The following ZBTB38 variants were observed in gnomAD, a reference collection of about 807,000 sequenced individuals.
The protein encoded by ZBTB38 is zinc finger and BTB domain-containing protein 38.
A neutral mutation model predicts 76.8 loss-of-function variants in ZBTB38; 20 were observed. The observed-to-expected ratio is 0.26, with a 90% CI of 0.18 to 0.38. The LOEUF is 0.38. ZBTB38 is among the 10% of genes least tolerant of loss of function. The pLI is 1.00. For synonymous variants in ZBTB38, 504 were observed against 544.2 expected, an observed-to-expected ratio of 0.93 and a Z score of 1.03; for missense variants, 1,082 against 1,482.3, an observed-to-expected ratio of 0.73 and a Z score of 4.43.
chr3:141,393,804 A>C (rs1425300424), intron 4 of ZBTB38, among the ~76,000 whole-genome samples: 1 of 152,162 alleles, frequency 6.6e-6, no homozygotes, highest in African/African-American at 2.4e-5. Flanking sequence ...AAGGCTCAGG[A>C]GAGACCTTAA....
chr3:141,380,254 A>G (rs1039099193), intron 2 of ZBTB38, among the ~76,000 whole-genome samples: 2 of 152,190 alleles, frequency 1.3e-5, no homozygotes, highest in Non-Finnish European at 2.9e-5. Flanking sequence ...TCTGCCACTG[A>G]GGGCCTGAGG....
intron 5 of ZBTB38, among the ~76,000 whole-genome samples, chr3:141,411,066 G>A (rs1239278622): frequency 6.6e-6 from 1 of 152,108 alleles, no homozygotes; most frequent in Non-Finnish European, 1.5e-5. Context: ...TTTTATTTAT[G>A]TTATTTTTCC....
chr3:141,333,993 T>C (rs908343225), intron 1 of ZBTB38, among the ~76,000 whole-genome samples: 2 of 152,056 alleles, frequency 1.3e-5, no homozygotes, highest in African/African-American at 2.4e-5. Context: ...AAAGGTAGTG[T>C]CTAAAGTCAG....
At chr3:141,411,555 A>T (rs2149851473) in intron 5 of ZBTB38, among the ~76,000 whole-genome samples, 1 of 152,298 alleles carries the variant, frequency 6.6e-6, no homozygotes, top group Non-Finnish European at 1.5e-5. Flanking sequence ...CTTTAATGGG[A>T]GGGGACAGAA....
At chr3:141,351,806 A>C (rs1013070682) in intron 1 of ZBTB38, among the ~76,000 whole-genome samples, 1 of 151,728 alleles carries the variant, frequency 6.6e-6, no homozygotes, top group Non-Finnish European at 1.5e-5. Context: ...TGAAAATGTT[A>C]AATATTAAGT....
chr3:141,430,672 T>C (rs1419398894), intron 5 of ZBTB38, among the ~76,000 whole-genome samples: 2 of 152,164 alleles, frequency 1.3e-5, no homozygotes, highest in African/African-American at 4.8e-5. Flanking sequence ...GGAGCGGCAG[T>C]GCAGTGGGGG....
intron 1 of ZBTB38, among the ~76,000 whole-genome samples, chr3:141,346,763 C>T (rs1205739484): frequency 8.3e-6 from 1 of 120,282 alleles, no homozygotes; most frequent in East Asian, 2.1e-4. Flanking sequence ...TCAAACTCTC[C>T]GAGGTTTTTT....
chr3:141,357,931 T>G (rs1943714728), intron 1 of ZBTB38, among the ~76,000 whole-genome samples: 1 of 152,208 alleles, frequency 6.6e-6, no homozygotes, highest in Admixed American at 6.5e-5. Flanking sequence ...GCTCTTTTAT[T>G]CATCTGAGAG....
chr3:141,388,599 A>G (rs1192359255), intron 4 of ZBTB38: 1 of 152,194 alleles, frequency 6.6e-6, no homozygotes, highest in Non-Finnish European at 1.5e-5. Flanking sequence ...TTAGTTTCAA[A>G]TTTAACACTG....
At chr3:141,425,331 A>G (rs917634652) in intron 5 of ZBTB38, among the ~76,000 whole-genome samples, 1 of 152,240 alleles carries the variant, frequency 6.6e-6, no homozygotes, top group African/African-American at 2.4e-5. Context: ...ATTCAATATT[A>G]TCTTGAAATG....
intron 4 of ZBTB38, among the ~76,000 whole-genome samples, chr3:141,395,351 C>T (rs926908889): frequency 6.6e-6 from 1 of 152,064 alleles, no homozygotes; most frequent in South Asian, 2.1e-4. Flanking sequence ...TATCTCTCTC[C>T]TAATTTCTCA....
At chr3:141,410,254 G>A (rs997574908) in intron 5 of ZBTB38, among the ~76,000 whole-genome samples, 2 of 152,280 alleles carry the variant, frequency 1.3e-5, no homozygotes, top group South Asian at 4.1e-4. Context: ...TACACTTGAG[G>A]AAAGTGCATG....
At chr3:141,390,778 G>A (rs1402764037) in intron 4 of ZBTB38, among the ~76,000 whole-genome samples, 1 of 152,194 alleles carries the variant, frequency 6.6e-6, no homozygotes, top group African/African-American at 2.4e-5. Context: ...CAGAGGACGG[G>A]AGGGTGCTTG....
chr3:141,426,222 A>G (rs1481762537), intron 5 of ZBTB38: 6 of 1,286,992 alleles, frequency 4.7e-6, no homozygotes, highest in Non-Finnish European at 6.1e-6. Flanking sequence ...TGCGGACTAT[A>G]TATCTTGGTA....
upstream of ZBTB38, among the ~76,000 whole-genome samples, chr3:141,365,828 T>TA (rs1464038011): frequency 6.6e-6 from 1 of 152,166 alleles, no homozygotes. Context: ...ATTCTGTAAA[T>TA]ACACTAAAAC....
intron 5 of ZBTB38, among the ~76,000 whole-genome samples, chr3:141,422,468 C>T (rs16851416): frequency 0.054 from 8,152 of 152,262 alleles, 226 homozygotes; most frequent in East Asian, 0.071. Flanking sequence ...TGCTCCTATG[C>T]TGAAATTCTT....
At chr3:141,427,645 C>T (rs1349022276) in intron 5 of ZBTB38, 1 of 152,350 alleles carries the variant, frequency 6.6e-6, no homozygotes, top group Non-Finnish European at 1.5e-5. Flanking sequence ...AGACTCTTGC[C>T]TCCATCATGG....
At position 141,445,471 on chromosome 3, in the gene ZBTB38, A is replaced by T; in HGVS notation, c.3083A>T (p.His1028Leu). 1 of 1,614,194 alleles carries T rather than the reference A, an allele frequency of 6.2e-7. No individual in the cohort carries two copies. The highest frequency in any genetic ancestry group is 8.5e-7 in the Non-Finnish European group (1 of 1,180,038). Residue 1028 changes from histidine to leucine, a missense_variant, in exon 6 of 6, where the codon CAC becomes CTC. Coordinates refer to ENST00000321464, the MANE Select transcript of ZBTB38 (RefSeq NM_001376113.1). This position sits in a 1 kb window ranked among gnomAD's most constrained non-coding sequence, Gnocchi z 6.5. ...CAGAGCCCTTCCACACTCAAAATGC[A>T]CATGAGATGTCACACCGGGGAGAAG... ...QFQSPSTLKM[H>L]MRCHTGEKPY...
In ZBTB38 at chr3:141,433,336, G is replaced by GT. The variant is rs1046256342; in HGVS notation, c.1-9045dup. 4.7e-3 allele frequency among the ~76,000 whole-genome samples: 656 copies of GT among 141,026 alleles called. 3 individuals are homozygous for GT. Among genetic ancestry groups the GT allele is most frequent in the African/African-American group, 0.016 (588 of 36,762 alleles). The allele number at this position is 141,026 out of a possible 152,430, so 92.5% of individuals were successfully genotyped here. On this transcript the variant is annotated intron_variant, in intron 5 of 5. Transcript: ENST00000321464. ...TTTGACTTTTGTTTTGTTTTTTTTT[G>GT]TTTTTTTTGGTTAGCACAGCAGTTC...
Sources: allele counts gnomAD v4.1 joint callset (sites outside exome capture counted in the v4.1 genomes callset), GRCh38; gene constraint gnomAD v4.1.1; non-coding constraint Gnocchi (gnomAD v3.1); transcripts MANE v1.5; gene names NCBI Gene and HGNC (gene_info 2026-07-23, HGNC 2026-07-21).